COL15A1: variants seen among roughly 807,000 people sequenced by gnomAD.
The protein encoded by COL15A1 is collagen type XV alpha 1 chain.
A neutral mutation model predicts 165.9 loss-of-function variants in COL15A1; 111 were observed. The observed-to-expected ratio is 0.67, with a 90% CI of 0.57 to 0.78. The LOEUF (loss-of-function observed/expected upper bound fraction) is 0.78. Ranked by LOEUF, COL15A1 falls within the 30% of genes least tolerant of loss-of-function variation. The pLI is 0.00. For synonymous variants in COL15A1, 659 were observed against 674.8 expected, an observed-to-expected ratio of 0.98 and a Z score of 0.36; for missense variants, 1,745 against 1,789.7, an observed-to-expected ratio of 0.98 and a Z score of 0.45.
chr9:98,962,914 G>A (rs1039515569), intron 2 of COL15A1, among the ~76,000 whole-genome samples: 1 of 152,208 alleles, frequency 6.6e-6, no homozygotes, highest in African/African-American at 2.4e-5. Context: ...TTAGAATAGT[G>A]CCTGCTGTAC....
At chr9:99,044,056 C>T (rs1429410957) in intron 24 of COL15A1, among the ~76,000 whole-genome samples, 6 of 152,154 alleles carry the variant, frequency 3.9e-5, no homozygotes, top group African/African-American at 1.4e-4. Context: ...AGTTTTTATA[C>T]CGTCATCTCT....
At chr9:99,060,331 G>A (rs891483718) in intron 36 of COL15A1, among the ~76,000 whole-genome samples, 7 of 149,766 alleles carry the variant, frequency 4.7e-5, no homozygotes, top group Middle Eastern at 6.9e-3. Context: ...GTGAGATCAC[G>A]GCTCACTGCA....
At chr9:98,976,753 G>A (rs994868973) in intron 2 of COL15A1, among the ~76,000 whole-genome samples, 8 of 152,176 alleles carry the variant, frequency 5.3e-5, no homozygotes, top group Non-Finnish European at 1.2e-4. Context: ...AGAAGTGGAC[G>A]CCAGTTCCTA....
At chr9:98,972,224 GGTCT>G (rs1838069626) in intron 2 of COL15A1, among the ~76,000 whole-genome samples, 1 of 152,144 alleles carries the variant, frequency 6.6e-6, no homozygotes, top group Non-Finnish European at 1.5e-5. Flanking sequence ...ACTAAGCATA[GGTCT>G]GTCTGATGCC....
chr9:99,051,969 T>A (rs1839596167), intron 30 of COL15A1, among the ~76,000 whole-genome samples: 1 of 152,244 alleles, frequency 6.6e-6, no homozygotes, highest in Non-Finnish European at 1.5e-5. Flanking sequence ...GCTAAGCTAA[T>A]GGCTGACCCG....
rs1588531259 is a variant in COL15A1 at position 99,044,757 on chromosome 9, C to A, written c.2666C>A (p.Ala889Asp). 4 of 1,613,488 alleles carry A rather than the reference C, an allele frequency of 2.5e-6. No individual in the cohort carries two copies. In the East Asian group the frequency reaches 6.7e-5, roughly 27 times the overall value. Residue 889 changes from alanine to aspartate, a missense_variant, in exon 26 of 42, where the codon GCC (alanine) becomes GAC (aspartate). Transcript: ENST00000375001. ...GKKGEPGMHG[A>D]PGPMGPKGPP... Reference sequence around the variant, plus strand: ...TAGGGTGAACCTGGAATGCATGGAGCCCCAGGACCAATGGTAAGTCAGAGC... The same window carrying A: ...TAGGGTGAACCTGGAATGCATGGAGACCCAGGACCAATGGTAAGTCAGAGC...
chr9:99,059,770 G>T, intron 35 of COL15A1, 119 bp from the exon 36 acceptor site: 1 of 1,084,880 alleles, frequency 9.2e-7, no homozygotes, highest in Non-Finnish European at 1.4e-6. Context: ...GTGGAAGTTG[G>T]GATGCTTTGT....
intron 10 of COL15A1, 148 bp from the exon 11 acceptor site, chr9:99,015,828 T>C: frequency 2.0e-6 from 2 of 997,746 alleles, no homozygotes; most frequent in Non-Finnish European, 3.0e-6. Flanking sequence ...GAGATGCATA[T>C]TTCAGAAGGG....
At position 99,037,350 on chromosome 9, in the gene COL15A1, C is replaced by T. The variant is rs117551752; in HGVS notation, c.2409+954C>T. ...TTTGGTGTCATTGAATTCTCTATTC[C>T]TATGATAAATACTCTGGCATAAGCA... On this transcript the variant is annotated intron_variant, in intron 21 of 41. Transcript: ENST00000375001. Among the ~76,000 whole-genome samples, 372 of 152,246 alleles carry T rather than the reference C, an allele frequency of 2.4e-3. 9 individuals carry two copies. In the East Asian group the frequency reaches 0.034, roughly 14 times the overall value.
chr9:99,024,949 C>T lies in COL15A1; in HGVS notation c.1930C>T (p.Pro644Ser), dbSNP rs749723734. 2.5e-6 allele frequency: 4 copies of T among 1,613,802 alleles called. No homozygotes were observed. In the East Asian group the frequency reaches 6.7e-5, roughly 27 times the overall value. The stretch of plus-strand genomic sequence containing the variant: ...ACCAGGAACTGATGTTTTCATGGGA[C>T]CCCCTGGATCTCCTGGAGAGGATGG... ...GKPGTDVFMG[P>S]PGSPGEDGPA... The change falls in exon 15 of 42, where the codon CCC (proline) becomes TCC (serine). Residue 644 changes from proline (P) to serine (S), a missense_variant. Coordinates refer to ENST00000375001, the MANE Select transcript of COL15A1 (RefSeq NM_001855.5).
Position 99,034,635 on chromosome 9 carries a change from C to T in COL15A1, c.2079+51C>T, listed in dbSNP as rs61606961. 4.6e-3 allele frequency: 6,924 copies of T among 1,499,448 alleles called. 270 individuals are homozygous for T. In the African/African-American group the frequency reaches 0.086, roughly 19 times the overall value. 92.9% of individuals were successfully genotyped at this position (1,499,448 alleles called of 1,614,324 possible). A position where few individuals can be genotyped will look rare whatever the true frequency, so the allele number is the denominator to read the frequency against. On this transcript the variant is annotated intron_variant, in intron 17 of 41. Coordinates refer to ENST00000375001, the MANE Select transcript of COL15A1 (RefSeq NM_001855.5). ...AAAAAGAACTTTCTTCTCCCTCCTC[C>T]CCTTTCTTTGAGTTTACTATAATTG...
chr9:99,058,819 C>A (rs1040996814), intron 35 of COL15A1, among the ~76,000 whole-genome samples: 2 of 152,164 alleles, frequency 1.3e-5, no homozygotes, highest in African/African-American at 4.8e-5. Flanking sequence ...GGCCCTCTAT[C>A]CACTAGACAT....
chr9:99,003,883 G>C (rs1359228258), intron 8 of COL15A1, among the ~76,000 whole-genome samples: 1 of 152,224 alleles, frequency 6.6e-6, no homozygotes, highest in African/African-American at 2.4e-5. Flanking sequence ...TGAAGCACAG[G>C]ATGCCCTGGG....
intron 40 of COL15A1, among the ~76,000 whole-genome samples, chr9:99,067,747 A>G (rs1301106772): frequency 6.6e-6 from 1 of 152,074 alleles, no homozygotes; most frequent in East Asian, 1.9e-4. Context: ...CATACCCAGC[A>G]CTTTCCACCT....
At chr9:99,014,788 T>C (rs1250653799) in intron 9 of COL15A1, among the ~76,000 whole-genome samples, 1 of 152,174 alleles carries the variant, frequency 6.6e-6, no homozygotes, top group African/African-American at 2.4e-5. Flanking sequence ...TCAATCAGTA[T>C]ATATAAGGTG....
At chr9:98,980,633 C>T (rs1838222381) in intron 2 of COL15A1, among the ~76,000 whole-genome samples, 1 of 152,104 alleles carries the variant, frequency 6.6e-6, no homozygotes, top group African/African-American at 2.4e-5. Context: ...CCCTGAGGGC[C>T]ATGAAAAATC....
intron 21 of COL15A1, among the ~76,000 whole-genome samples, chr9:99,037,524 G>T (rs1299119418): frequency 6.6e-6 from 1 of 152,138 alleles, no homozygotes; most frequent in African/African-American, 2.4e-5. Flanking sequence ...CTTAAGACCA[G>T]CCTGGGCAAC....
chr9:98,988,571 G>C (rs1236475662), intron 4 of COL15A1, among the ~76,000 whole-genome samples: 1 of 152,182 alleles, frequency 6.6e-6, no homozygotes, highest in African/African-American at 2.4e-5. Flanking sequence ...AGATATGTTA[G>C]AGAGAGTGAG....
chr9:99,049,830 C>T, intron 29 of COL15A1, 24 bp from the exon 30 acceptor site: 1 of 1,614,228 alleles, frequency 6.2e-7, no homozygotes, highest in Non-Finnish European at 8.5e-7. Context: ...TTGACCTCAC[C>T]TCTCTTGTTC....
Sources: gnomAD v4.1 joint callset for allele counts (sites outside exome capture counted in the v4.1 genomes callset) on GRCh38, gnomAD v4.1.1 for gene constraint, MANE v1.5 for transcripts, NCBI Gene and HGNC (gene_info 2026-07-23, HGNC 2026-07-21) for gene names.